Variants in TM4SF4 observed in about 807,000 individuals in gnomAD.
TM4SF4 encodes the protein transmembrane 4 L six family member 4.
Under a neutral mutation model 24.1 loss-of-function variants are expected in TM4SF4, and 24 were observed. The ratio of observed to expected loss-of-function variants is 1.00; its 90% confidence interval spans 0.72 to 1.40. The LOEUF is 1.40. Ranked by LOEUF, TM4SF4 falls within the 40% of genes most tolerant of loss-of-function variation. TM4SF4 has a pLI of 0.00. For synonymous variants in TM4SF4, 113 were observed against 97.0 expected (o/e 1.17, Z -0.97); for missense variants, 254 against 254.2 (o/e 1.00, Z 0.01).
At position 149,475,881 on chromosome 3, in the gene TM4SF4, G is replaced by A. The variant is rs750464132; in HGVS notation, c.233G>A (p.Cys78Tyr). 6.2e-7 allele frequency: 1 copy of A among 1,613,162 alleles called. No homozygotes were observed. The highest frequency in any genetic ancestry group is 1.1e-5 in the South Asian group (1 of 90,768). ...AAGAACAATGACTGCTGTGGGTGCT[G>A]CGGCAACGAGGGCTGTGGGAAGCGA... ...GLKNNDCCGC[C>Y]GNEGCGKRFA... Residue 78 changes from cysteine to tyrosine, a missense_variant, in exon 2 of 5, where the codon TGC (cysteine) becomes TAC (tyrosine). Coordinates refer to ENST00000305354, the MANE Select transcript of TM4SF4 (RefSeq NM_004617.4).
chr3:149,502,943 A>G lies in TM4SF4; in HGVS notation c.*250A>G. On this transcript the variant is annotated 3_prime_UTR_variant, in exon 5 of 5. Coordinates refer to ENST00000305354, the MANE Select transcript of TM4SF4 (RefSeq NM_004617.4). ...TCAAATTAGTTCCTTTTTAGAATTT[A>G]CCAACAGGTTCAAAGCATACTTTTC... 1 of 440,058 alleles carries G rather than the reference A, an allele frequency of 2.3e-6. No individual in the cohort carries two copies. The highest frequency in any genetic ancestry group is 2.0e-5 in the African/African-American group (1 of 49,978). The allele number at this position is 440,058 out of a possible 1,614,324, so 27.3% of individuals were successfully genotyped here.
intron 2 of TM4SF4, among the ~76,000 whole-genome samples, chr3:149,481,211 T>C (rs1482242693): frequency 1.3e-5 from 2 of 152,160 alleles, no homozygotes; most frequent in Middle Eastern, 3.2e-3. Flanking sequence ...AAATGGATCC[T>C]GGCAGTTACT....
chr3:149,474,714 G>T lies in TM4SF4; in HGVS notation c.-164G>T. ...GTTCTGCTATTTTTGAGAAGCTGAA[G>T]CAACTCCAAGGACACAGTTCACAGA... On this transcript the variant is annotated 5_prime_UTR_variant, in exon 1 of 5. Transcript: ENST00000305354. The T allele has an allele frequency of 1.6e-6, 1 of 623,844 alleles. No individual in the cohort carries two copies. Among genetic ancestry groups the T allele is most frequent in the Non-Finnish European group, 2.6e-6 (1 of 377,458 alleles). 38.6% of individuals were successfully genotyped at this position (623,844 alleles called of 1,614,324 possible). A position where few individuals can be genotyped will look rare whatever the true frequency, so the allele number is the denominator to read the frequency against.
chr3:149,494,408 A>C (rs1734274717), intron 3 of TM4SF4, among the ~76,000 whole-genome samples: 1 of 152,216 alleles, frequency 6.6e-6, no homozygotes, highest in South Asian at 2.1e-4. Context: ...CTCTCCAAAG[A>C]GGCCCGAAAC....
chr3:149,485,163 A>AT (rs1465245762), intron 2 of TM4SF4, among the ~76,000 whole-genome samples: 1 of 152,236 alleles, frequency 6.6e-6, no homozygotes, highest in Non-Finnish European at 1.5e-5. Context: ...TTTTCCTTAT[A>AT]TTCCAGCATA....
chr3:149,483,938 G>T (rs905053079), intron 2 of TM4SF4, among the ~76,000 whole-genome samples: 4 of 151,952 alleles, frequency 2.6e-5, no homozygotes, highest in Non-Finnish European at 4.4e-5. Context: ...ACACTACCAT[G>T]CCTGGCTAAT....
At chr3:149,486,035 G>A (rs934972950) in intron 2 of TM4SF4, among the ~76,000 whole-genome samples, 2 of 152,040 alleles carry the variant, frequency 1.3e-5, no homozygotes, top group African/African-American at 4.8e-5. Context: ...TTTAAAAGTT[G>A]CATCCAAAAT....
At position 149,498,823 on chromosome 3, in the gene TM4SF4, GA is replaced by G; in HGVS notation, c.505del (p.Ile169SerfsTer39). 6.2e-7 allele frequency: 1 copy of G among 1,614,002 alleles called. No homozygotes were observed. Among genetic ancestry groups the G allele is most frequent in the Non-Finnish European group, 8.5e-7 (1 of 1,179,878 alleles). ...TTCTCCATCCTGCTGGTCGTAGGAG[GA>G]ATCCAGATGGTTCTCTGCGCCATCC... ...TLFSILLVVG[G>X]IQMVLCAIQV... On this transcript the variant is annotated frameshift_variant, in exon 4 of 5. Coordinates refer to ENST00000305354, the MANE Select transcript of TM4SF4 (RefSeq NM_004617.4). LOFTEE classifies it high-confidence loss of function.
chr3:149,480,566 T>G (rs531234677), intron 2 of TM4SF4, among the ~76,000 whole-genome samples: 1 of 152,238 alleles, frequency 6.6e-6, no homozygotes, highest in Admixed American at 6.5e-5. Context: ...TGGTCAGCAC[T>G]TCTTCCCGTG....
Position 149,502,823 on chromosome 3 carries a change from T to C in TM4SF4, c.*130T>C. On this transcript the variant is annotated 3_prime_UTR_variant, in exon 5 of 5. Transcript: ENST00000305354. ...TGATAAAGCTTAGAAAAGGCAGTTA[T>C]TCCTTCTTTCCAACCAGCTTTGCTC... is the stretch of plus-strand genomic sequence containing the variant. The C allele has an allele frequency of 1.5e-6, 1 of 646,678 alleles. No individual in the cohort carries two copies. Among genetic ancestry groups the C allele is most frequent in the South Asian group, 2.3e-5 (1 of 42,708 alleles). The allele number at this position is 646,678 out of a possible 1,614,324, so 40.1% of individuals were successfully genotyped here.
At chr3:149,499,505 C>T (rs1035427110) in intron 4 of TM4SF4, among the ~76,000 whole-genome samples, 1 of 152,164 alleles carries the variant, frequency 6.6e-6, no homozygotes, top group South Asian at 2.1e-4. Flanking sequence ...GACAGTAAGA[C>T]AGTCTGATTA....
chr3:149,487,562 T>G, intron 2 of TM4SF4, 57 bp from the exon 3 acceptor site: 9 of 1,604,782 alleles, frequency 5.6e-6, no homozygotes, highest in East Asian at 2.2e-5. Context: ...TTAGGTTTGT[T>G]GAGTGTATCC....
chr3:149,478,586 A>G (rs961518483), intron 2 of TM4SF4, among the ~76,000 whole-genome samples: 2 of 152,230 alleles, frequency 1.3e-5, no homozygotes, highest in Non-Finnish European at 2.9e-5. Flanking sequence ...GCATGAATTG[A>G]GGATAACTCC....
chr3:149,480,309 C>T (rs886631718), intron 2 of TM4SF4, among the ~76,000 whole-genome samples: 4 of 152,022 alleles, frequency 2.6e-5, no homozygotes, highest in Admixed American at 2.6e-4. Context: ...TTTGTCAACT[C>T]GTTTATGTTA....
intron 2 of TM4SF4, among the ~76,000 whole-genome samples, chr3:149,481,819 T>G (rs754425960): frequency 2.6e-5 from 4 of 152,248 alleles, no homozygotes; most frequent in Admixed American, 6.5e-5. Flanking sequence ...GTGTATGCTA[T>G]ATACATTTCT....
At chr3:149,475,328 T>C (rs912125781) in intron 1 of TM4SF4, among the ~76,000 whole-genome samples, 5 of 152,188 alleles carry the variant, frequency 3.3e-5, no homozygotes, top group Non-Finnish European at 7.3e-5. Flanking sequence ...TCGCATAGTT[T>C]CTTGATTCCA....
chr3:149,477,494 C>G (rs72615626), intron 2 of TM4SF4, among the ~76,000 whole-genome samples: 10,897 of 152,280 alleles, frequency 0.072, 917 homozygotes, highest in East Asian at 0.42. Context: ...GAAACAGGAT[C>G]CTTTTAACAT....
chr3:149,498,981 G>T, intron 4 of TM4SF4, 70 bp downstream of exon 4: 1 of 1,503,676 alleles, frequency 6.7e-7, no homozygotes, highest in Non-Finnish European at 9.1e-7. Flanking sequence ...CATAAGGGAG[G>T]CCAGGTCAGG....
chr3:149,480,325 G>A (rs1335690272), intron 2 of TM4SF4, among the ~76,000 whole-genome samples: 6 of 152,124 alleles, frequency 3.9e-5, no homozygotes, highest in Admixed American at 2.0e-4. Context: ...TGTTAAGTAC[G>A]TATTTTATTA....
Sources: allele counts gnomAD v4.1 joint callset (sites outside exome capture counted in the v4.1 genomes callset), GRCh38; gene constraint gnomAD v4.1.1; transcripts MANE v1.5; gene names NCBI Gene and HGNC (gene_info 2026-07-23, HGNC 2026-07-21).